MAP7: variants seen among roughly 807,000 people sequenced by gnomAD.
MAP7 encodes the protein ensconsin.
Under a neutral mutation model 94.8 loss-of-function variants are expected in MAP7, and 52 were observed. That is an observed-to-expected ratio of 0.55 (90% CI 0.44 to 0.69). The LOEUF is 0.69. MAP7 is among the 30% of genes least tolerant of loss of function. MAP7 has a pLI of 0.00. For missense variants in MAP7, 940 were observed against 964.6 expected (o/e 0.97, Z 0.34); for synonymous variants, 350 against 357.0 (o/e 0.98, Z 0.22).
At chr6:136,539,437 C>T (rs557685129) in intron 1 of MAP7, among the ~76,000 whole-genome samples, 1 of 152,340 alleles carries the variant, frequency 6.6e-6, no homozygotes, top group East Asian at 1.9e-4. Flanking sequence ...CACAGCCTCA[C>T]ACATGCTCAG....
rs1339756414 is a variant in MAP7, at chr6:136,344,183, A to G, written c.*45T>C. The G allele has an allele frequency of 1.8e-6, 2 of 1,100,440 alleles. No individual in the cohort carries two copies. Among genetic ancestry groups the G allele is most frequent in the Non-Finnish European group, 2.5e-6 (2 of 806,268 alleles). The allele number at this position is 1,100,440 out of a possible 1,614,324, so 68.2% of individuals were successfully genotyped here. A position where few individuals can be genotyped will look rare whatever the true frequency, so the allele number is the denominator to read the frequency against. Reference sequence around the variant, plus strand: ...GCAGGAAAGGAATTCCATTAATTGTAGAAATTCTCATTAAATTTCAGCTTT... The same window carrying G: ...GCAGGAAAGGAATTCCATTAATTGTGGAAATTCTCATTAAATTTCAGCTTT... On this transcript the variant is annotated 3_prime_UTR_variant, in exon 18 of 18. Transcript: ENST00000354570.
chr6:136,456,767 G>GGAGGAGGAGGAAGAAGAA (rs1179338276), intron 1 of MAP7, among the ~76,000 whole-genome samples: 1 of 60,522 alleles, frequency 1.7e-5, no homozygotes, highest in African/African-American at 7.3e-5. Context: ...AGGAGGAGGA[G>GGAGGAGGAGGAAGAAGAA]GAAGAAGAAG....
intron 1 of MAP7, among the ~76,000 whole-genome samples, chr6:136,434,540 T>C (rs1460969844): frequency 6.6e-6 from 1 of 151,912 alleles, no homozygotes; most frequent in African/African-American, 2.4e-5. Flanking sequence ...GGAAAGAAAA[T>C]TGAGATTTAA....
chr6:136,409,136 T>C (rs1251099199), intron 3 of MAP7, among the ~76,000 whole-genome samples: 1 of 152,114 alleles, frequency 6.6e-6, no homozygotes, highest in Non-Finnish European at 1.5e-5. Flanking sequence ...AATGGATATA[T>C]TTTCCTTAAA....
rs929309167 is a variant in MAP7, at chr6:136,419,607, T to C, written c.166+2094A>G. 5.3e-5 allele frequency among the ~76,000 whole-genome samples: 8 copies of C among 152,274 alleles called. 1 individual carries two copies. The Middle Eastern group carries it at 0.01, about 194-fold the overall frequency. ...ACCTTAAGTAATATATATTTCCCAA[T>C]AAGCTCTTATTTTTAAAGGTGAGAA... On this transcript the variant is annotated intron_variant, in intron 2 of 17. Transcript: ENST00000354570.
At chr6:136,515,823 AAT>A (rs1468956240) in intron 1 of MAP7, among the ~76,000 whole-genome samples, 1 of 152,234 alleles carries the variant, frequency 6.6e-6, no homozygotes, top group Non-Finnish European at 1.5e-5. Flanking sequence ...AAGAATTACC[AAT>A]ATGTGATGCA....
chr6:136,472,352 C>T (rs1474349524), intron 1 of MAP7, among the ~76,000 whole-genome samples: 1 of 152,114 alleles, frequency 6.6e-6, no homozygotes, highest in African/African-American at 2.4e-5. Context: ...GACCTACTTT[C>T]AAAAGGGACA....
intron 1 of MAP7, among the ~76,000 whole-genome samples, chr6:136,503,400 G>GAA (rs965964532): frequency 8.7e-6 from 1 of 115,488 alleles, no homozygotes; most frequent in Non-Finnish European, 1.8e-5. Flanking sequence ...TTCTGAGGGG[G>GAA]AAAAAAAAAG....
intron 1 of MAP7, among the ~76,000 whole-genome samples, chr6:136,487,403 A>C (rs1256019414): frequency 6.6e-6 from 1 of 152,180 alleles, no homozygotes; most frequent in East Asian, 1.9e-4. Flanking sequence ...AAACAATTTA[A>C]ATTTTTTTAC....
At chr6:136,490,375 T>C (rs908202819) in intron 1 of MAP7, among the ~76,000 whole-genome samples, 4 of 152,232 alleles carry the variant, frequency 2.6e-5, no homozygotes, top group Non-Finnish European at 5.9e-5. Context: ...ACGATGTCAT[T>C]AAGATACTGT....
At chr6:136,366,511 G>T in intron 8 of MAP7, 72 bp from the exon 9 acceptor site, 1 of 1,026,160 alleles carries the variant, frequency 9.7e-7, no homozygotes. Context: ...ACTCAACAGT[G>T]GAGCTAGAAA....
At chr6:136,411,045 A>G (rs764992956) in intron 3 of MAP7, among the ~76,000 whole-genome samples, 56 of 152,248 alleles carry the variant, frequency 3.7e-4, no homozygotes, top group Non-Finnish European at 6.0e-4. Context: ...ATGTTTTAGA[A>G]GACAATGACT....
intron 1 of MAP7, among the ~76,000 whole-genome samples, chr6:136,432,130 T>C (rs1795109939): frequency 6.6e-6 from 1 of 152,084 alleles, no homozygotes; most frequent in African/African-American, 2.4e-5. Context: ...ACTTCTATGT[T>C]CCCGATAGGT....
intron 1 of MAP7, among the ~76,000 whole-genome samples, chr6:136,521,361 T>C (rs1372328004): frequency 6.6e-6 from 1 of 152,226 alleles, no homozygotes; most frequent in Non-Finnish European, 1.5e-5. Context: ...GGAGGATGGG[T>C]TGGAAAGAGG....
intron 1 of MAP7, among the ~76,000 whole-genome samples, chr6:136,457,459 A>T (rs1803697269): frequency 6.6e-6 from 1 of 152,152 alleles, no homozygotes; most frequent in South Asian, 2.1e-4. Flanking sequence ...ACACTCTTGA[A>T]CTCAAATTAC....
intron 1 of MAP7, among the ~76,000 whole-genome samples, chr6:136,451,439 C>A (rs951886889): frequency 6.6e-6 from 1 of 152,152 alleles, no homozygotes; most frequent in Admixed American, 6.5e-5. Flanking sequence ...AGAAAAGATT[C>A]TTTTCAAAAT....
chr6:136,368,988 A>G (rs1582697537), intron 8 of MAP7, among the ~76,000 whole-genome samples: 1 of 152,248 alleles, frequency 6.6e-6, no homozygotes, highest in East Asian at 1.9e-4. Context: ...GAATTCTTAC[A>G]TTTCCTGATT....
chr6:136,401,966 A>G (rs1784225254), intron 3 of MAP7, among the ~76,000 whole-genome samples: 1 of 152,182 alleles, frequency 6.6e-6, no homozygotes, highest in African/African-American at 2.4e-5. Flanking sequence ...TCTCAGAGAT[A>G]TCTTCCTCAA....
chr6:136,498,318 T>A (rs1818875378), intron 1 of MAP7, among the ~76,000 whole-genome samples: 1 of 151,474 alleles, frequency 6.6e-6, no homozygotes, highest in African/African-American at 2.4e-5. Context: ...AGGATAGGAG[T>A]AGAGGGAATA....
Sources: allele counts gnomAD v4.1 joint callset (sites outside exome capture counted in the v4.1 genomes callset), GRCh38; gene constraint gnomAD v4.1.1; transcripts MANE v1.5; gene names NCBI Gene and HGNC (gene_info 2026-07-23, HGNC 2026-07-21).